CSMD1: variants seen among roughly 807,000 people sequenced by gnomAD.
The protein encoded by CSMD1 is CUB and Sushi multiple domains 1.
A neutral mutation model predicts 417.5 loss-of-function variants in CSMD1; 213 were observed. The ratio of observed to expected loss-of-function variants is 0.51; its 90% CI spans 0.46 to 0.57. The LOEUF is 0.57. Among genes scored for constraint, CSMD1 ranks in the 20% least tolerant of loss-of-function variants. The pLI is 0.00. For missense variants in CSMD1, 6,923 were observed against 4,529.7 expected (o/e 1.53, Z -15.17); for synonymous variants, 2,862 against 1,736.8 (o/e 1.65, Z -16.11).
intron 7 of CSMD1, among the ~76,000 whole-genome samples, chr8:3,695,826 T>A (rs1800522958): frequency 6.6e-6 from 1 of 152,200 alleles, no homozygotes; most frequent in Non-Finnish European, 1.5e-5. Flanking sequence ...CAACTTAAAA[T>A]AGCATTATTT....
At chr8:3,644,109 C>G (rs964872280) in intron 7 of CSMD1, among the ~76,000 whole-genome samples, 2 of 152,200 alleles carry the variant, frequency 1.3e-5, no homozygotes, top group Non-Finnish European at 2.9e-5. Flanking sequence ...CCAGAAACAT[C>G]ACCATCACCT....
intron 2 of CSMD1, among the ~76,000 whole-genome samples, chr8:4,614,427 A>G (rs1585333137): frequency 6.6e-6 from 1 of 152,324 alleles, no homozygotes; most frequent in African/African-American, 2.4e-5. Flanking sequence ...CAGCACCTAA[A>G]TAAGCCTCTA....
intron 21 of CSMD1, among the ~76,000 whole-genome samples, chr8:3,357,284 C>A (rs1165899877): frequency 1.3e-5 from 2 of 152,202 alleles, no homozygotes; most frequent in East Asian, 3.9e-4. Context: ...GAGTTGCAGG[C>A]TCCCTGGGTT....
intron 69 of CSMD1, among the ~76,000 whole-genome samples, chr8:2,941,766 T>C (rs143428993): frequency 6.6e-6 from 1 of 152,202 alleles, no homozygotes; most frequent in Non-Finnish European, 1.5e-5. Context: ...AATTTGTATT[T>C]GTTGAAGAAA....
intron 10 of CSMD1, among the ~76,000 whole-genome samples, chr8:3,501,831 G>T (rs1357523746): frequency 6.6e-6 from 1 of 152,160 alleles, no homozygotes; most frequent in African/African-American, 2.4e-5. Context: ...TTCACCTGAG[G>T]TTGTAAGGGC....
At chr8:4,887,904 G>C (rs1043397894) in intron 1 of CSMD1, among the ~76,000 whole-genome samples, 1 of 151,820 alleles carries the variant, frequency 6.6e-6, no homozygotes, top group Non-Finnish European at 1.5e-5. Context: ...TCTTTTACTT[G>C]AACATACACG....
chr8:4,705,096 T>G (rs1377527548), intron 1 of CSMD1, among the ~76,000 whole-genome samples: 1 of 152,152 alleles, frequency 6.6e-6, no homozygotes, highest in Non-Finnish European at 1.5e-5. Context: ...TATAAGTGTT[T>G]GACAGTTCCT....
intron 18 of CSMD1, among the ~76,000 whole-genome samples, chr8:3,370,116 G>A (rs751794285): frequency 7.8e-4 from 118 of 152,224 alleles, no homozygotes; most frequent in Non-Finnish European, 1.6e-3. Context: ...GTTGCTAACG[G>A]GAATTCAATT....
chr8:3,716,627 C>T (rs1326594032), intron 6 of CSMD1, among the ~76,000 whole-genome samples: 6 of 152,114 alleles, frequency 3.9e-5, no homozygotes, highest in Admixed American at 3.9e-4. Flanking sequence ...GACTTTATGG[C>T]CTGTGTCTTG....
intron 3 of CSMD1, among the ~76,000 whole-genome samples, chr8:4,335,440 A>G (rs1303738799): frequency 6.6e-6 from 1 of 152,120 alleles, no homozygotes; most frequent in Non-Finnish European, 1.5e-5. Context: ...ACTCGTTACT[A>G]GAATCATTTA....
intron 56 of CSMD1, among the ~76,000 whole-genome samples, chr8:2,973,596 C>T (rs1352663061): frequency 1.3e-5 from 2 of 150,936 alleles, no homozygotes; most frequent in Non-Finnish European, 2.9e-5. Context: ...AAATGCATCA[C>T]GTCTTCACTG....
chr8:3,151,461 G>C lies in CSMD1; in HGVS notation c.5967C>G (p.Gly1989=), dbSNP rs944596595. Reference sequence around the variant, plus strand: ...AGTTGTTGGGGTAAGAACCTGGGAAGCCGGGGCTCAGGATCACACCACCCA... The same window carrying C: ...AGTTGTTGGGGTAAGAACCTGGGAACCCGGGGCTCAGGATCACACCACCCA... ...STLGGVILSP[G]FPGSYPNNLD... is the part of the protein sequence containing the mutation. The change falls in exon 40 of 70, where the codon GGC becomes GGG. Residue 1989 remains glycine (G), a synonymous_variant. Transcript: ENST00000635120. 6.2e-7 allele frequency: 1 copy of C among 1,613,874 alleles called. No homozygotes were observed. The highest frequency in any genetic ancestry group is 1.1e-5 in the South Asian group (1 of 90,956).
At chr8:4,848,745 T>A (rs1801293570) in intron 1 of CSMD1, among the ~76,000 whole-genome samples, 1 of 152,174 alleles carries the variant, frequency 6.6e-6, no homozygotes, top group Non-Finnish European at 1.5e-5. Context: ...GGTTTCACCA[T>A]GCTGGCCAGG....
chr8:4,988,097 TAC>T (rs757697072), intron 1 of CSMD1, among the ~76,000 whole-genome samples: 5 of 152,188 alleles, frequency 3.3e-5, no homozygotes, highest in African/African-American at 4.8e-5. Flanking sequence ...TCCTGACTAA[TAC>T]AGTGAAAAAA....
chr8:4,230,243 A>G (rs1801633871), intron 3 of CSMD1, among the ~76,000 whole-genome samples: 1 of 152,182 alleles, frequency 6.6e-6, no homozygotes, highest in African/African-American at 2.4e-5. Flanking sequence ...GTTGCTCTAC[A>G]ATAGATTTAT....
chr8:4,293,189 C>G (rs1041756001), intron 3 of CSMD1, among the ~76,000 whole-genome samples: 2 of 152,118 alleles, frequency 1.3e-5, no homozygotes, highest in Non-Finnish European at 2.9e-5. Context: ...CTCCCTGGCA[C>G]AGAGAGAGGA....
intron 18 of CSMD1, among the ~76,000 whole-genome samples, chr8:3,371,655 A>G (rs1308154108): frequency 6.6e-6 from 1 of 152,206 alleles, no homozygotes; most frequent in Non-Finnish European, 1.5e-5. Context: ...TATTCACAAA[A>G]GAATTAGATA....
intron 23 of CSMD1, among the ~76,000 whole-genome samples, chr8:3,331,493 C>T (rs1806894357): frequency 6.6e-6 from 1 of 152,142 alleles, no homozygotes; most frequent in Admixed American, 6.5e-5. Context: ...GGGTTTGAAT[C>T]CTGGTGCTGC....
chr8:4,379,146 G>A lies in CSMD1; in HGVS notation c.415+40807C>T, dbSNP rs989600645. On this transcript the variant is annotated intron_variant, in intron 3 of 69. Coordinates refer to ENST00000635120, the MANE Select transcript of CSMD1 (RefSeq NM_033225.6). ...TGAAATAACAGATATATCAGCCCCT[G>A]TAATTTGAGACACTGGAAATGGCTG... Among the ~76,000 whole-genome samples the A allele has an allele frequency of 2.0e-5, 3 of 152,152 alleles. No individual in the cohort carries two copies. In the South Asian group the frequency reaches 6.2e-4, roughly 32 times the overall value.
Sources: gnomAD v4.1 joint callset for allele counts (sites outside exome capture counted in the v4.1 genomes callset) on GRCh38, gnomAD v4.1.1 for gene constraint, MANE v1.5 for transcripts, NCBI Gene and HGNC (gene_info 2026-07-23, HGNC 2026-07-21) for gene names.